AATK: variants seen among roughly 807,000 people sequenced by gnomAD.
AATK encodes the protein serine/threonine-protein kinase LMTK1.
In AATK, 91 loss-of-function variants were observed where a neutral mutation model predicts 114.3. The ratio of observed to expected loss-of-function variants is 0.80; its 90% confidence interval spans 0.67 to 0.95. AATK has a LOEUF of 0.95. Ranked by LOEUF, AATK falls within the 40% of genes least tolerant of loss-of-function variation. AATK has a pLI of 0.00. For missense variants in AATK, 2,176 were observed against 1,965.2 expected (o/e 1.11, Z -2.03); for synonymous variants, 1,075 against 916.5 (o/e 1.17, Z -3.12).
chr17:81,149,073 T>G (rs1272137474), intron 1 of AATK, among the ~76,000 whole-genome samples: 2 of 152,140 alleles, frequency 1.3e-5, no homozygotes, highest in Admixed American at 1.3e-4. Context: ...ATGCGTCCCA[T>G]GACTGGTGAG....
At chr17:81,165,653 C>A (rs1486065211) in intron 1 of AATK, 1 of 1,489,642 alleles carries the variant, frequency 6.7e-7, no homozygotes, top group Non-Finnish European at 8.9e-7. Context: ...ACACCAGGGG[C>A]CCACGCAGGC....
intron 1 of AATK, among the ~76,000 whole-genome samples, chr17:81,144,909 G>C (rs2061193434): frequency 6.6e-6 from 1 of 152,192 alleles, no homozygotes; most frequent in Non-Finnish European, 1.5e-5. Flanking sequence ...TCTGGGCCTG[G>C]CCACGCAGAG....
Position 81,126,618 on chromosome 17 carries a change from G to A in AATK, c.622-58C>T. On this transcript the variant is annotated intron_variant, in intron 6 of 13. Coordinates refer to ENST00000326724, the MANE Select transcript of AATK (RefSeq NM_001080395.3). The surrounding 1 kb of genome is among the most constrained non-coding windows in gnomAD (Gnocchi z 5.1). ...AGGCTGGGGGCTGGCCACCCTGGGA[G>A]GTCCCCACCTACCTCCCCAACTCCT... 6.6e-7 allele frequency: 1 copy of A among 1,507,418 alleles called. No homozygotes were observed. The allele number at this position is 1,507,418 out of a possible 1,614,324, so 93.4% of individuals were successfully genotyped here.
intron 1 of AATK, among the ~76,000 whole-genome samples, chr17:81,137,185 G>A (rs1427193119): frequency 2.0e-5 from 3 of 151,930 alleles, no homozygotes; most frequent in Non-Finnish European, 2.9e-5. Context: ...TCGAACCCAG[G>A]AGGCGGAGGC....
chr17:81,139,150 CACTTT>C (rs750120137), intron 1 of AATK, among the ~76,000 whole-genome samples: 7 of 152,244 alleles, frequency 4.6e-5, no homozygotes, highest in Non-Finnish European at 8.8e-5. Flanking sequence ...TCATCATCCT[CACTTT>C]ACAAGTACGA....
At chr17:81,154,936 C>T (rs1419422879) in intron 1 of AATK, among the ~76,000 whole-genome samples, 1 of 152,168 alleles carries the variant, frequency 6.6e-6, no homozygotes, top group East Asian at 1.9e-4. Flanking sequence ...GGCCCTTTCC[C>T]ACTATTTTAA....
rs905778217 is a variant in AATK, at chr17:81,156,885, C to T, written c.55+9053G>A. Among the ~76,000 whole-genome samples the T allele has an allele frequency of 6.4e-4, 97 of 151,610 alleles. 2 individuals carry two copies. The highest frequency in any genetic ancestry group is 2.8e-4 in the Non-Finnish European group (19 of 67,938). ...CTCGGCCCTGATCGCCAGTCAGGCA[C>T]GAAACTGAGGACCCCCTCCCCAACT... On this transcript the variant is annotated intron_variant, in intron 1 of 13. Coordinates refer to ENST00000326724, the MANE Select transcript of AATK (RefSeq NM_001080395.3).
rs752532095 is a variant in AATK at position 81,131,240 on chromosome 17, G to T, written c.190-35C>A. ...GGGCCGGGCATGAGCGGGGCTTCTC[G>T]CAGGTCAAGGAAGGGTGTGGCTGGG... On this transcript the variant is annotated intron_variant, in intron 2 of 13. Coordinates refer to ENST00000326724, the MANE Select transcript of AATK (RefSeq NM_001080395.3). 4.0e-5 allele frequency: 61 copies of T among 1,543,030 alleles called. 1 individual carries two copies. The Middle Eastern group carries it at 6.7e-4, about 17-fold the overall frequency.
At chr17:81,128,003 C>T (rs1051746655) in intron 4 of AATK, 93 bp from the exon 5 acceptor site, 16 of 1,474,396 alleles carry the variant, frequency 1.1e-5, no homozygotes, top group Middle Eastern at 2.4e-4. Flanking sequence ...CACGCCGGCC[C>T]CCAGGACAGG....
At chr17:81,151,845 T>C (rs2061303024) in intron 1 of AATK, among the ~76,000 whole-genome samples, 1 of 152,142 alleles carries the variant, frequency 6.6e-6, no homozygotes, top group Non-Finnish European at 1.5e-5. Flanking sequence ...CTGACAAGGG[T>C]GGCCTTCGAT....
rs1801833 is a variant in AATK, at chr17:81,117,553, T to C, written c.*849A>G. The C allele has an allele frequency of 0.81, 122,641 of 151,698 alleles. 49,606 individuals are homozygous for C. The highest frequency in any genetic ancestry group is 0.9 in the Middle Eastern group (265 of 294). The allele number at this position is 151,698 out of a possible 1,614,324, so 9.4% of individuals were successfully genotyped here. A position where few individuals can be genotyped will look rare whatever the true frequency, so the allele number is the denominator to read the frequency against. The stretch of plus-strand genomic sequence containing the variant: ...TCCCCACCATCCCTCTCCCTGTAGG[T>C]AGGAGCCCCCCAACACTGACTGCGG... On this transcript the variant is annotated 3_prime_UTR_variant, in exon 14 of 14. Transcript: ENST00000326724.
chr17:81,119,053 C>A (rs2060625167), intron 13 of AATK, among the ~76,000 whole-genome samples: 1 of 152,132 alleles, frequency 6.6e-6, no homozygotes, highest in Admixed American at 6.5e-5. Flanking sequence ...GGACTTCTGG[C>A]TGGGAAGGTT....
intron 2 of AATK, among the ~76,000 whole-genome samples, chr17:81,134,064 C>T (rs1341455301): frequency 6.6e-6 from 1 of 152,202 alleles, no homozygotes; most frequent in South Asian, 2.1e-4. Flanking sequence ...GCCCCCGACG[C>T]CCCCTGCAAG....
In AATK at chr17:81,120,920, C is replaced by T. The variant is rs367755609; in HGVS notation, c.3016G>A (p.Glu1006Lys). The T allele has an allele frequency of 9.1e-5, 146 of 1,599,086 alleles. No homozygotes were observed. The highest frequency in any genetic ancestry group is 1.6e-4 in the Middle Eastern group (1 of 6,066). The change falls in exon 11 of 14, where the codon GAG becomes AAG. Residue 1006 changes from glutamate (E) to lysine (K), a missense_variant. This residue lies in a region of AATK where 1,701 missense variants were observed against 1,394.7 expected (regional missense o/e 1.22). Coordinates refer to ENST00000326724, the MANE Select transcript of AATK (RefSeq NM_001080395.3). ...TTCTTCTCTGGGCCTGAGGTGGCCTCGGCCTCAGCCTCGAGGTCTGAGAAG... is the reference window on the plus strand; with the variant it reads ...TTCTTCTCTGGGCCTGAGGTGGCCTTGGCCTCAGCCTCGAGGTCTGAGAAG... Reference protein sequence around the residue: ...AYFSDLEAEAEATSGPEKKCG... With the variant: ...AYFSDLEAEAKATSGPEKKCG...
At chr17:81,119,617 C>T (rs941066581) in intron 12 of AATK, 37 bp from the exon 13 acceptor site, 3 of 1,529,414 alleles carry the variant, frequency 2.0e-6, no homozygotes. Flanking sequence ...GCGCTCACAG[C>T]CTGGGACCCC....
intron 1 of AATK, 33 bp downstream of exon 1, chr17:81,165,905 A>AGCG (rs1567833113): frequency 6.4e-7 from 1 of 1,563,332 alleles, no homozygotes; most frequent in Non-Finnish European, 8.7e-7. Flanking sequence ...GGAGGGAGGC[A>AGCG]GCGGCGCGCA....
intron 10 of AATK, 124 bp from the exon 11 acceptor site, chr17:81,122,947 A>C: frequency 9.9e-7 from 1 of 1,015,124 alleles, no homozygotes; most frequent in Non-Finnish European, 1.4e-6. Context: ...TCTCCCACTT[A>C]ATTGACACCC....
At position 81,125,027 on chromosome 17, in the gene AATK, G is replaced by T. The variant is rs757215463; in HGVS notation, c.756-13C>A. 1.2e-5 allele frequency: 17 copies of T among 1,402,548 alleles called. No homozygotes were observed. In the South Asian group the frequency reaches 2.2e-4, roughly 18 times the overall value. 86.9% of individuals were successfully genotyped at this position (1,402,548 alleles called of 1,614,324 possible). ...CAGGGCCAGGTCGCTGCAGGCAGGG[G>T]CAGGGGCAGGGGCAGGGTGAGCAGG... On this transcript the variant is annotated splice_polypyrimidine_tract_variant and intron_variant, in intron 7 of 13. Transcript: ENST00000326724.
chr17:81,155,505 G>T (rs553498125), intron 1 of AATK, among the ~76,000 whole-genome samples: 1 of 152,104 alleles, frequency 6.6e-6, no homozygotes, highest in African/African-American at 2.4e-5. Flanking sequence ...TCCTGCCTCA[G>T]CCTCCCGAGC....
Sources: allele counts gnomAD v4.1 joint callset (sites outside exome capture counted in the v4.1 genomes callset), GRCh38; gene constraint gnomAD v4.1.1; regional missense constraint gnomAD v4.1.1; non-coding constraint Gnocchi (gnomAD v3.1); transcripts MANE v1.5; gene names NCBI Gene and HGNC (gene_info 2026-07-23, HGNC 2026-07-21).